The following ERBB4 variants were observed in gnomAD, a reference collection of about 807,000 sequenced individuals.
ERBB4 encodes receptor tyrosine-protein kinase erbB-4.
A neutral mutation model predicts 158.0 loss-of-function variants in ERBB4; 42 were observed. That is an observed-to-expected ratio of 0.27 (90% confidence interval 0.21 to 0.34). The LOEUF (loss-of-function observed/expected upper bound fraction) is 0.34. ERBB4 is among the 10% of genes least tolerant of loss of function. The probability of loss-of-function intolerance (pLI) is 1.00; values close to 1 mark genes in which losing one functional copy is unlikely to be tolerated. For synonymous variants in ERBB4, 583 were observed against 558.7 expected (o/e 1.04, Z -0.61); for missense variants, 1,333 against 1,624.1 (o/e 0.82, Z 3.08).
At position 211,715,807 on chromosome 2, in the gene ERBB4, G is replaced by C. The variant is rs1331556926; in HGVS notation, c.884-2159C>G. On this transcript the variant is annotated intron_variant, in intron 7 of 27. Transcript: ENST00000342788. ...CTTCCTGTACAGCCTACAGAACCAT[G>C]AGCCAACTGTACCTCTTTTGTTTAT... Among the ~76,000 whole-genome samples, 3 of 152,078 alleles carry C rather than the reference G, an allele frequency of 2.0e-5. No homozygotes were observed. The South Asian group carries it at 6.2e-4, about 31-fold the overall frequency.
intron 1 of ERBB4, among the ~76,000 whole-genome samples, chr2:212,289,411 T>C (rs2086122582): frequency 6.6e-6 from 1 of 152,208 alleles, no homozygotes; most frequent in South Asian, 2.1e-4. Flanking sequence ...TCATGAGAAA[T>C]TCTTGGTTAG....
chr2:211,795,669 A>C (rs926997800), intron 3 of ERBB4, among the ~76,000 whole-genome samples: 2 of 151,836 alleles, frequency 1.3e-5, no homozygotes, highest in Non-Finnish European at 2.9e-5. Context: ...AACCATGCAA[A>C]AGACGGAGAA....
intron 1 of ERBB4, among the ~76,000 whole-genome samples, chr2:212,280,219 G>A (rs1024805836): frequency 6.6e-6 from 1 of 151,562 alleles, no homozygotes; most frequent in Non-Finnish European, 1.5e-5. Context: ...AAATATAGTA[G>A]TTGTTAGATA....
At chr2:211,734,909 CAAAAAAAAAAAA>C (rs570006497) in intron 5 of ERBB4, among the ~76,000 whole-genome samples, 1 of 69,306 alleles carries the variant, frequency 1.4e-5, no homozygotes, top group Admixed American at 1.8e-4. Context: ...GAGACTCTGT[CAAAAAAAAAAAA>C]AAAAAAAAAA....
intron 3 of ERBB4, among the ~76,000 whole-genome samples, chr2:211,810,830 G>A (rs1478839462): frequency 2.0e-5 from 3 of 151,710 alleles, no homozygotes; most frequent in African/African-American, 4.8e-5. Context: ...CCGCCACCGC[G>A]CCCGGCTAAT....
At chr2:211,717,026 G>A (rs143842151) in intron 7 of ERBB4, among the ~76,000 whole-genome samples, 14 of 152,204 alleles carry the variant, frequency 9.2e-5, no homozygotes, top group African/African-American at 3.4e-4. Context: ...TAAAGAAAAG[G>A]GGAATTCTCT....
chr2:211,537,622 G>A (rs1005036686), intron 20 of ERBB4, among the ~76,000 whole-genome samples: 1 of 151,910 alleles, frequency 6.6e-6, no homozygotes, highest in African/African-American at 2.4e-5. Flanking sequence ...TGAAGAAACT[G>A]TATTTCCCTT....
At chr2:212,143,095 A>C (rs2080540661) in intron 1 of ERBB4, among the ~76,000 whole-genome samples, 1 of 152,208 alleles carries the variant, frequency 6.6e-6, no homozygotes, top group African/African-American at 2.4e-5. Context: ...AAATCAAATT[A>C]CATATTTCAA....
At chr2:211,507,276 G>C (rs1460083868) in intron 20 of ERBB4, among the ~76,000 whole-genome samples, 1 of 152,100 alleles carries the variant, frequency 6.6e-6, no homozygotes, top group Non-Finnish European at 1.5e-5. Flanking sequence ...AATTTTGTCA[G>C]ACTTACAAAG....
At chr2:212,341,215 T>C (rs1479282595) in intron 1 of ERBB4, among the ~76,000 whole-genome samples, 1 of 151,752 alleles carries the variant, frequency 6.6e-6, no homozygotes, top group Non-Finnish European at 1.5e-5. Context: ...TATTTGCTAT[T>C]ATATAAAAAT....
intron 2 of ERBB4, among the ~76,000 whole-genome samples, chr2:212,092,897 G>A (rs544233001): frequency 4.6e-5 from 7 of 152,188 alleles, no homozygotes; most frequent in South Asian, 2.1e-4. Flanking sequence ...AACGTGGCAC[G>A]TGTATACCAA....
At chr2:211,505,171 TA>T (rs1230068654) in intron 20 of ERBB4, among the ~76,000 whole-genome samples, 4 of 151,668 alleles carry the variant, frequency 2.6e-5, no homozygotes, top group Non-Finnish European at 5.9e-5. Context: ...AAGCTCAATA[TA>T]AAAGAAAAAA....
intron 1 of ERBB4, among the ~76,000 whole-genome samples, chr2:212,488,138 A>G (rs1239234904): frequency 6.6e-6 from 1 of 152,066 alleles, no homozygotes; most frequent in African/African-American, 2.4e-5. Context: ...TATGGATGAT[A>G]TCTAATTTTA....
At chr2:212,187,897 A>T (rs532722629) in intron 1 of ERBB4, among the ~76,000 whole-genome samples, 1 of 152,320 alleles carries the variant, frequency 6.6e-6, no homozygotes, top group South Asian at 2.1e-4. Flanking sequence ...ATATATGGCA[A>T]TATGTTACCA....
intron 1 of ERBB4, among the ~76,000 whole-genome samples, chr2:212,253,477 A>G (rs1238448121): frequency 6.6e-6 from 1 of 152,060 alleles, no homozygotes; most frequent in African/African-American, 2.4e-5. Flanking sequence ...TTCTTCATCA[A>G]AACCAGTTCT....
intron 1 of ERBB4, among the ~76,000 whole-genome samples, chr2:212,145,795 T>C (rs1008281447): frequency 4.0e-5 from 6 of 151,826 alleles, no homozygotes; most frequent in Non-Finnish European, 7.4e-5. Context: ...CCTTATCGTC[T>C]TATTTTTTTC....
chr2:211,911,022 T>C (rs1199447423), intron 3 of ERBB4, among the ~76,000 whole-genome samples: 1 of 152,178 alleles, frequency 6.6e-6, no homozygotes, highest in African/African-American at 2.4e-5. Flanking sequence ...GCAGCATCAA[T>C]GTTTATGAGA....
At chr2:212,426,339 C>T (rs1360203032) in intron 1 of ERBB4, 5 of 446,670 alleles carry the variant, frequency 1.1e-5, no homozygotes, top group South Asian at 1.7e-5. Flanking sequence ...CAATTATGTT[C>T]GCACCAACCT....
chr2:211,406,935 C>T (rs114672305), intron 25 of ERBB4, among the ~76,000 whole-genome samples: 1 of 151,836 alleles, frequency 6.6e-6, no homozygotes, highest in African/African-American at 2.4e-5. Flanking sequence ...AAAAAATTAG[C>T]TGGGTTTGAT....
Sources: gnomAD v4.1 joint callset for allele counts (sites outside exome capture counted in the v4.1 genomes callset) on GRCh38, gnomAD v4.1.1 for gene constraint, MANE v1.5 for transcripts, NCBI Gene and HGNC (gene_info 2026-07-23, HGNC 2026-07-21) for gene names.